Variants in CTNNA1 observed in about 807,000 individuals in gnomAD.
CTNNA1 encodes catenin alpha 1.
A neutral mutation model predicts 98.4 loss-of-function variants in CTNNA1; 37 were observed. The ratio of observed to expected loss-of-function variants is 0.38; its 90% confidence interval spans 0.29 to 0.49. CTNNA1 has a LOEUF of 0.49. Among genes scored for constraint, CTNNA1 ranks in the 20% least tolerant of loss-of-function variants. The pLI is 0.95. For synonymous variants in CTNNA1, 404 were observed against 413.2 expected (o/e 0.98, Z 0.27); for missense variants, 761 against 1,147.2 (o/e 0.66, Z 4.86).
chr5:138,766,457 T>TG (rs1175388889), intron 1 of CTNNA1, among the ~76,000 whole-genome samples: 4 of 150,384 alleles, frequency 2.7e-5, no homozygotes, highest in South Asian at 4.2e-4. Context: ...TTTTGTTTTT[T>TG]TTTTTTTTTC....
intron 3 of CTNNA1, among the ~76,000 whole-genome samples, chr5:138,802,172 C>G (rs1234149882): frequency 6.6e-6 from 1 of 152,132 alleles, no homozygotes; most frequent in Non-Finnish European, 1.5e-5. Context: ...ATTGTTCAAA[C>G]TACTTTTGAA....
intron 3 of CTNNA1, among the ~76,000 whole-genome samples, chr5:138,801,058 A>G (rs570756910): frequency 9.9e-5 from 15 of 152,202 alleles, no homozygotes; most frequent in African/African-American, 1.9e-4. Flanking sequence ...CTGTCATGCA[A>G]TTTACTGGCT....
At chr5:138,800,189 G>A (rs567899575) in intron 3 of CTNNA1, among the ~76,000 whole-genome samples, 28 of 152,306 alleles carry the variant, frequency 1.8e-4, no homozygotes, top group Middle Eastern at 6.8e-3. Flanking sequence ...TGCTACAGCA[G>A]CAAGCATGAA....
intron 1 of CTNNA1, among the ~76,000 whole-genome samples, chr5:138,780,587 G>T (rs529998966): frequency 1.3e-5 from 2 of 150,576 alleles, no homozygotes; most frequent in African/African-American, 4.9e-5. Flanking sequence ...GCACAATCTC[G>T]GCTCACTGCA....
chr5:138,875,862 C>T (rs1751381469), intron 7 of CTNNA1: 1 of 362,530 alleles, frequency 2.8e-6, no homozygotes, highest in Non-Finnish European at 3.8e-6. Flanking sequence ...GTGGGCTTGG[C>T]TTGTTTGTCA....
intron 1 of CTNNA1, among the ~76,000 whole-genome samples, chr5:138,776,845 G>C (rs1350380932): frequency 4.1e-5 from 1 of 24,134 alleles, no homozygotes; most frequent in African/African-American, 1.6e-4. Context: ...TGGCCGGGCG[G>C]GGGGGCTGAC....
At chr5:138,809,823 G>C (rs1224230864) in intron 3 of CTNNA1, among the ~76,000 whole-genome samples, 2 of 151,946 alleles carry the variant, frequency 1.3e-5, no homozygotes, top group East Asian at 3.8e-4. Context: ...TCACTTTCCA[G>C]ATATTTTGCT....
At chr5:138,789,751 C>T (rs1390735626) in intron 3 of CTNNA1, among the ~76,000 whole-genome samples, 3 of 152,086 alleles carry the variant, frequency 2.0e-5, no homozygotes, top group East Asian at 1.9e-4. Context: ...CCACCGCACC[C>T]GGCTGCAGGA....
intron 1 of CTNNA1, among the ~76,000 whole-genome samples, chr5:138,776,175 T>G (rs369493543): frequency 1.3e-3 from 197 of 150,994 alleles, no homozygotes; most frequent in Admixed American, 2.3e-3. Context: ...GGTTTTCCTA[T>G]GCAGAGGACC....
chr5:138,917,867 T>C lies in CTNNA1; in HGVS notation c.1515T>C (p.Ile505=), dbSNP rs770329095. The change falls in exon 11 of 18, where the codon ATT becomes ATC. Residue 505 remains isoleucine (I), a synonymous_variant. Coordinates refer to ENST00000302763, the MANE Select transcript of CTNNA1 (RefSeq NM_001903.5). ...TTCTCACAGATGCTGTCGATGACAT[T>C]ACTTCCATTGATGACTTCTTGGCTG... is the stretch of plus-strand genomic sequence containing the variant. ...VRVLTDAVDD[I]TSIDDFLAVS... 2 of 1,614,104 alleles carry C rather than the reference T, an allele frequency of 1.2e-6. No homozygotes were observed. The highest frequency in any genetic ancestry group is 2.7e-5 in the African/African-American group (2 of 74,952).
At chr5:138,896,921 T>C (rs918727673) in intron 9 of CTNNA1, among the ~76,000 whole-genome samples, 1 of 152,214 alleles carries the variant, frequency 6.6e-6, no homozygotes, top group East Asian at 1.9e-4. Context: ...CCACCTCCTT[T>C]GGCTGTGAGC....
intron 1 of CTNNA1, 113 bp from the exon 2 acceptor site, chr5:138,781,810 C>T: frequency 1.1e-6 from 1 of 916,138 alleles, no homozygotes; most frequent in Non-Finnish European, 1.6e-6. Flanking sequence ...ATTTTTTCAT[C>T]TATAGTGAAT....
At chr5:138,762,879 T>C (rs1428886850) in intron 1 of CTNNA1, among the ~76,000 whole-genome samples, 1 of 152,174 alleles carries the variant, frequency 6.6e-6, no homozygotes, top group Admixed American at 6.5e-5. Flanking sequence ...AAGAGGTTTT[T>C]TTTTCTTTTT....
At chr5:138,772,153 A>G (rs981287425) in intron 1 of CTNNA1, among the ~76,000 whole-genome samples, 1 of 152,202 alleles carries the variant, frequency 6.6e-6, no homozygotes, top group Non-Finnish European at 1.5e-5. Context: ...TTTTCTCCTC[A>G]TTGCTTCTCA....
intron 1 of CTNNA1, among the ~76,000 whole-genome samples, chr5:138,776,657 G>T (rs532378963): frequency 1.4e-3 from 207 of 151,776 alleles, no homozygotes; most frequent in African/African-American, 4.6e-3. Flanking sequence ...GGACGGGGCG[G>T]CTGGCCGGGC....
chr5:138,875,281 TG>T, intron 7 of CTNNA1: 1 of 513,860 alleles, frequency 1.9e-6, no homozygotes, highest in Non-Finnish European at 2.6e-6. Context: ...GAAGAGCTCC[TG>T]GAGCAGCATG....
intron 17 of CTNNA1, 90 bp from the exon 18 acceptor site, chr5:138,933,712 G>A (rs1765940457): frequency 1.4e-6 from 2 of 1,388,494 alleles, no homozygotes; most frequent in East Asian, 4.8e-5. Context: ...TTGCAGAGGA[G>A]TAGGGGGCTC....
At chr5:138,797,092 T>C (rs1282305018) in intron 3 of CTNNA1, among the ~76,000 whole-genome samples, 2 of 152,256 alleles carry the variant, frequency 1.3e-5, no homozygotes, top group Admixed American at 6.5e-5. Context: ...TTTTGTAATA[T>C]GTGCAAGTTT....
At chr5:138,917,621 C>G (rs911520382) in intron 10 of CTNNA1, 121 bp from the exon 11 acceptor site, 2 of 951,672 alleles carry the variant, frequency 2.1e-6, no homozygotes, top group Admixed American at 4.8e-5. Flanking sequence ...TACACTCTTC[C>G]CCTTCATCTT....
Sources: gnomAD v4.1 joint callset for allele counts (sites outside exome capture counted in the v4.1 genomes callset) on GRCh38, gnomAD v4.1.1 for gene constraint, MANE v1.5 for transcripts, NCBI Gene and HGNC (gene_info 2026-07-23, HGNC 2026-07-21) for gene names.